CREB5: variants seen among roughly 807,000 people sequenced by gnomAD.
The protein encoded by CREB5 is cAMP responsive element binding protein 5, also known as cyclic AMP-responsive element-binding protein 5.
Under a neutral mutation model 57.1 loss-of-function variants are expected in CREB5, and 19 were observed. That is an observed-to-expected ratio of 0.33 (90% CI 0.23 to 0.49). The LOEUF (loss-of-function observed/expected upper bound fraction) is 0.49, where lower values mean the gene tolerates loss of function less well. CREB5 is among the 20% of genes least tolerant of loss of function. The pLI is 0.99. For synonymous variants in CREB5, 238 were observed against 238.3 expected (o/e 1.00, Z 0.01); for missense variants, 579 against 671.6 (o/e 0.86, Z 1.52).
Position 28,472,337 on chromosome 7 carries a change from A to G in CREB5, c.4-15838A>G, listed in dbSNP as rs544200168. ...TATACTAGAAATTATTCTCTGCACTATATGTATATGTGTATTTGTGTATAT... is the reference window on the plus strand; with the variant it reads ...TATACTAGAAATTATTCTCTGCACTGTATGTATATGTGTATTTGTGTATAT... On this transcript the variant is annotated intron_variant, in intron 1 of 10. Transcript: ENST00000357727. Among the ~76,000 whole-genome samples the G allele has an allele frequency of 3.6e-4, 55 of 152,278 alleles. No individual in the cohort carries two copies. The South Asian group carries it at 3.9e-3, about 11-fold the overall frequency.
intron 1 of CREB5, among the ~76,000 whole-genome samples, chr7:28,399,848 A>T (rs1363482361): frequency 1.3e-5 from 2 of 151,856 alleles, no homozygotes; most frequent in African/African-American, 4.8e-5. Context: ...TGAGGTCAGG[A>T]GTTCGAGACC....
intron 7 of CREB5, among the ~76,000 whole-genome samples, chr7:28,766,199 G>C (rs964000465): frequency 6.6e-6 from 1 of 151,950 alleles, no homozygotes; most frequent in African/African-American, 2.4e-5. Flanking sequence ...TCTTTGTTAT[G>C]CACCATCTCT....
chr7:28,488,167 T>C lies in CREB5; in HGVS notation c.4-8T>C. Reference sequence around the variant, plus strand: ...TTTTCCTTCCTCCCTTTCCCTCTGATCCTTCAGATTTATGAGGAATCCAAG... The same window carrying C: ...TTTTCCTTCCTCCCTTTCCCTCTGACCCTTCAGATTTATGAGGAATCCAAG... On this transcript the variant is annotated splice_polypyrimidine_tract_variant and splice_region_variant and intron_variant, in intron 1 of 10. Coordinates refer to ENST00000357727, the MANE Select transcript of CREB5 (RefSeq NM_182898.4). 1 of 1,613,548 alleles carries C rather than the reference T, an allele frequency of 6.2e-7. No individual in the cohort carries two copies. The highest frequency in any genetic ancestry group is 8.5e-7 in the Non-Finnish European group (1 of 1,179,596).
chr7:28,800,084 T>C (rs576786863), intron 7 of CREB5, among the ~76,000 whole-genome samples: 76 of 152,350 alleles, frequency 5.0e-4, no homozygotes, highest in African/African-American at 1.8e-3. Flanking sequence ...GCTTACAATC[T>C]GAGATGGTTG....
chr7:28,767,584 C>T (rs1160941192), intron 7 of CREB5, among the ~76,000 whole-genome samples: 1 of 152,164 alleles, frequency 6.6e-6, no homozygotes, highest in Non-Finnish European at 1.5e-5. Flanking sequence ...TATTGGCATA[C>T]ACTGAGGAGC....
chr7:28,457,334 T>C (rs1028259429), intron 1 of CREB5, among the ~76,000 whole-genome samples: 10 of 152,158 alleles, frequency 6.6e-5, no homozygotes, highest in Admixed American at 5.2e-4. Flanking sequence ...GACTGGCCTG[T>C]TCATCATAAG....
rs543014036 is a variant in CREB5 at position 28,789,998 on chromosome 7, T to C, written c.703-14201T>C. Among the ~76,000 whole-genome samples the C allele has an allele frequency of 1.1e-3, 162 of 152,346 alleles. 1 individual carries two copies. Among genetic ancestry groups the C allele is most frequent in the African/African-American group, 3.7e-3 (153 of 41,580 alleles). ...AGGAAATCAATGTTGTAGACCCAGA[T>C]TGAATTTAAGATTTTTGAATGGAAG... On this transcript the variant is annotated intron_variant, in intron 7 of 10. Coordinates refer to ENST00000357727, the MANE Select transcript of CREB5 (RefSeq NM_182898.4).
intron 7 of CREB5, among the ~76,000 whole-genome samples, chr7:28,733,939 C>T (rs929310735): frequency 1.3e-5 from 2 of 152,084 alleles, no homozygotes; most frequent in African/African-American, 4.8e-5. Flanking sequence ...ACCATTTAAT[C>T]GTAATGATAG....
At chr7:28,300,247 G>A (rs867750120) in intron 1 of CREB5, among the ~76,000 whole-genome samples, 4 of 152,054 alleles carry the variant, frequency 2.6e-5, no homozygotes, top group Non-Finnish European at 5.9e-5. Flanking sequence ...GGCTCCCATT[G>A]AGAATATCAC....
intron 4 of CREB5, among the ~76,000 whole-genome samples, chr7:28,566,708 T>A (rs1795495031): frequency 6.6e-6 from 1 of 152,226 alleles, no homozygotes. Flanking sequence ...GATAATGCTT[T>A]TGCTGGGTTG....
rs144505561 is a variant in CREB5 at position 28,682,973 on chromosome 7, C to A, written c.465-35780C>A. ...GCTGGGAGTGTGTGAGTGAGTTACA[C>A]CGAACAGCTGCGCGGTACCCACCAC... On this transcript the variant is annotated intron_variant, in intron 5 of 10. Coordinates refer to ENST00000357727, the MANE Select transcript of CREB5 (RefSeq NM_182898.4). 5.4e-3 allele frequency among the ~76,000 whole-genome samples: 821 copies of A among 152,246 alleles called. 9 individuals carry two copies. The highest frequency in any genetic ancestry group is 0.011 in the South Asian group (51 of 4,830).
At chr7:28,601,725 A>C (rs1440366769) in intron 5 of CREB5, among the ~76,000 whole-genome samples, 1 of 152,190 alleles carries the variant, frequency 6.6e-6, no homozygotes, top group Non-Finnish European at 1.5e-5. Context: ...ATTTCAGCAT[A>C]TAAAGTGGCT....
At chr7:28,638,970 CA>C (rs1486526725) in intron 5 of CREB5, among the ~76,000 whole-genome samples, 1 of 152,118 alleles carries the variant, frequency 6.6e-6, no homozygotes, top group African/African-American at 2.4e-5. Context: ...GGAAAATTAA[CA>C]GATCTGCTTA....
At chr7:28,768,030 T>C (rs545330656) in intron 7 of CREB5, among the ~76,000 whole-genome samples, 20 of 152,368 alleles carry the variant, frequency 1.3e-4, no homozygotes, top group African/African-American at 4.8e-4. Context: ...GAACTAATTC[T>C]ATCATTTATA....
At chr7:28,689,296 G>T (rs538155143) in intron 5 of CREB5, among the ~76,000 whole-genome samples, 1 of 151,936 alleles carries the variant, frequency 6.6e-6, no homozygotes, top group Non-Finnish European at 1.5e-5. Context: ...GTGAAACCCC[G>T]TCTCTACTAA....
chr7:28,424,561 C>G (rs1433063846), intron 1 of CREB5, among the ~76,000 whole-genome samples: 1 of 152,210 alleles, frequency 6.6e-6, no homozygotes, highest in African/African-American at 2.4e-5. Context: ...ATACATGTTG[C>G]ACTGACTGAC....
At position 28,480,904 on chromosome 7, in the gene CREB5, G is replaced by T. The variant is rs142186500; in HGVS notation, c.4-7271G>T. On this transcript the variant is annotated intron_variant, in intron 1 of 10. Transcript: ENST00000357727. ...GGAAAGCTATAAGACAGGATTATGTGAAACAAAAATCAGAATTAGCCAGTA... is the reference window on the plus strand; with the variant it reads ...GGAAAGCTATAAGACAGGATTATGTTAAACAAAAATCAGAATTAGCCAGTA... Among the ~76,000 whole-genome samples, 1,225 of 152,136 alleles carry T rather than the reference G, an allele frequency of 8.1e-3. 19 individuals carry two copies. The highest frequency in any genetic ancestry group is 0.027 in the African/African-American group (1,106 of 41,482).
intron 8 of CREB5, among the ~76,000 whole-genome samples, chr7:28,808,108 CACACAGTGTGACAGG>C (rs1808857387): frequency 6.6e-6 from 1 of 152,238 alleles, no homozygotes; most frequent in Admixed American, 6.5e-5. Flanking sequence ...ATCTCACACA[CACACAGTGTGACAGG>C]GCTCAGTGCT....
intron 6 of CREB5, among the ~76,000 whole-genome samples, chr7:28,722,929 A>C (rs1260680721): frequency 6.6e-6 from 1 of 152,202 alleles, no homozygotes; most frequent in African/African-American, 2.4e-5. Context: ...GGCAGACACA[A>C]CAGAAATTGC....
Sources: allele counts gnomAD v4.1 joint callset (sites outside exome capture counted in the v4.1 genomes callset), GRCh38; gene constraint gnomAD v4.1.1; transcripts MANE v1.5; gene names NCBI Gene and HGNC (gene_info 2026-07-23, HGNC 2026-07-21).